Variants in INPP5A observed in about 807,000 individuals in gnomAD.
INPP5A encodes the protein inositol polyphosphate-5-phosphatase A, also known as 43 kDa inositol polyphosphate 5-phophatase.
INPP5A carries 14 observed loss-of-function variants against 65.2 expected under a neutral mutation model. The ratio of observed to expected loss-of-function variants is 0.21; its 90% CI spans 0.14 to 0.34. The LOEUF is 0.34. INPP5A is among the 10% of genes least tolerant of loss of function. The probability of loss-of-function intolerance (pLI) is 1.00; values close to 1 mark genes in which losing one functional copy is unlikely to be tolerated. For synonymous variants in INPP5A, 207 were observed against 208.3 expected, an observed-to-expected ratio of 0.99 and a Z score of 0.05; for missense variants, 431 against 545.6, an observed-to-expected ratio of 0.79 and a Z score of 2.09.
At chr10:132,775,567 C>T (rs1847050844) in intron 12 of INPP5A, among the ~76,000 whole-genome samples, 2 of 152,120 alleles carry the variant, frequency 1.3e-5, no homozygotes, top group Non-Finnish European at 2.9e-5. Context: ...ACAGGGAGCA[C>T]CCCTGGCTGT....
At chr10:132,554,325 C>T (rs2071095813) in intron 1 of INPP5A, among the ~76,000 whole-genome samples, 1 of 152,082 alleles carries the variant, frequency 6.6e-6, no homozygotes, top group African/African-American at 2.4e-5. Flanking sequence ...AGGGATTTGT[C>T]CAGTGGCTGG....
chr10:132,691,848 G>A (rs1448813638), intron 5 of INPP5A, among the ~76,000 whole-genome samples: 2 of 151,324 alleles, frequency 1.3e-5, no homozygotes, highest in Non-Finnish European at 3.0e-5. Context: ...GGAGACGTGC[G>A]GTCGCGGGAG....
intron 2 of INPP5A, among the ~76,000 whole-genome samples, chr10:132,610,940 G>A (rs1372257653): frequency 6.6e-6 from 1 of 152,240 alleles, no homozygotes; most frequent in African/African-American, 2.4e-5. Context: ...GACAAGGAGA[G>A]GTCAGCATCA....
intron 2 of INPP5A, among the ~76,000 whole-genome samples, chr10:132,640,181 G>T (rs2072408002): frequency 6.6e-6 from 1 of 152,228 alleles, no homozygotes; most frequent in Non-Finnish European, 1.5e-5. Flanking sequence ...TTTTCTTACG[G>T]TTCTCAGCAT....
chr10:132,722,937 T>C (rs769728818), intron 8 of INPP5A, among the ~76,000 whole-genome samples: 1 of 152,138 alleles, frequency 6.6e-6, no homozygotes, highest in South Asian at 2.1e-4. Context: ...TGGCACTATA[T>C]TGAAATTGAA....
At chr10:132,742,752 G>A (rs1194993853) in intron 9 of INPP5A, among the ~76,000 whole-genome samples, 1 of 152,188 alleles carries the variant, frequency 6.6e-6, no homozygotes, top group Non-Finnish European at 1.5e-5. Flanking sequence ...TGGTGAACCG[G>A]GGCCCTTGGT....
intron 1 of INPP5A, among the ~76,000 whole-genome samples, chr10:132,581,597 G>A (rs541521276): frequency 6.6e-6 from 1 of 152,244 alleles, no homozygotes; most frequent in Non-Finnish European, 1.5e-5. Flanking sequence ...GTGTGCAGTG[G>A]GACCTCACTG....
intron 1 of INPP5A, among the ~76,000 whole-genome samples, chr10:132,597,047 ATG>A: frequency 7.5e-6 from 1 of 133,444 alleles, no homozygotes; most frequent in African/African-American, 2.9e-5. Flanking sequence ...GTATGCATGC[ATG>A]TGTGTGTGCA....
At chr10:132,643,699 G>T (rs1293332414) in intron 2 of INPP5A, among the ~76,000 whole-genome samples, 1 of 152,132 alleles carries the variant, frequency 6.6e-6, no homozygotes, top group Non-Finnish European at 1.5e-5. Context: ...TAATTCTGCT[G>T]GTGCATTCGA....
At chr10:132,671,619 C>G (rs34988799) in intron 4 of INPP5A, among the ~76,000 whole-genome samples, 3,547 of 152,336 alleles carry the variant, frequency 0.023, 58 homozygotes, top group Non-Finnish European at 0.037. Context: ...TTCTGCGGCT[C>G]CTCCAGCATG....
chr10:132,680,836 C>G lies in INPP5A; in HGVS notation c.307-9556C>G, dbSNP rs999334240. On this transcript the variant is annotated intron_variant, in intron 4 of 15. Coordinates refer to ENST00000368594, the MANE Select transcript of INPP5A (RefSeq NM_005539.5). Reference sequence around the variant, plus strand: ...GGGTGTACTGGGTCCCCCAGCAGTGCCCACCCACCGGCGCTGCACTCAATT... The same window carrying G: ...GGGTGTACTGGGTCCCCCAGCAGTGGCCACCCACCGGCGCTGCACTCAATT... 3.3e-5 allele frequency among the ~76,000 whole-genome samples: 5 copies of G among 152,390 alleles called. No individual in the cohort carries two copies. In the South Asian group the frequency reaches 1.0e-3, roughly 32 times the overall value.
At chr10:132,657,575 C>T (rs1251682478) in intron 4 of INPP5A, among the ~76,000 whole-genome samples, 1 of 151,788 alleles carries the variant, frequency 6.6e-6, no homozygotes, top group East Asian at 1.9e-4. Flanking sequence ...GGCCCCAGTA[C>T]CCAGCGGTGG....
At chr10:132,617,611 T>G (rs760708126) in intron 2 of INPP5A, among the ~76,000 whole-genome samples, 1 of 152,238 alleles carries the variant, frequency 6.6e-6, no homozygotes, top group Non-Finnish European at 1.5e-5. Context: ...TGTGACCTTC[T>G]TCCTGTTGAC....
intron 1 of INPP5A, among the ~76,000 whole-genome samples, chr10:132,572,837 T>C (rs2071363109): frequency 6.6e-6 from 1 of 152,224 alleles, no homozygotes; most frequent in Admixed American, 6.5e-5. Context: ...GCTCTGCTGA[T>C]TGCTGAAATG....
chr10:132,586,665 C>T (rs557813842), intron 1 of INPP5A, among the ~76,000 whole-genome samples: 5 of 152,356 alleles, frequency 3.3e-5, no homozygotes, highest in Non-Finnish European at 5.9e-5. Flanking sequence ...CGGATACGTG[C>T]GCCAGAGCCT....
At chr10:132,684,344 G>A (rs1260174021) in intron 4 of INPP5A, among the ~76,000 whole-genome samples, 1 of 152,354 alleles carries the variant, frequency 6.6e-6, no homozygotes, top group Admixed American at 6.5e-5. Context: ...AGAGAGGTCT[G>A]TGTGTGCATT....
chr10:132,721,992 T>C (rs1590956727), intron 8 of INPP5A, among the ~76,000 whole-genome samples: 1 of 152,186 alleles, frequency 6.6e-6, no homozygotes, highest in East Asian at 1.9e-4. Context: ...ATGTTTATTT[T>C]GGGGGGATGA....
In INPP5A at chr10:132,575,703, C is replaced by T. The variant is rs997112107; in HGVS notation, c.76-32212C>T. ...AGACAAGGAACTCCTGACGCCTCAG[C>T]GCCTGGCCCTCAGGACAGCCTTTCC... is the stretch of plus-strand genomic sequence containing the variant. On this transcript the variant is annotated intron_variant, in intron 1 of 15. Transcript: ENST00000368594. This position sits in a 1 kb window ranked among gnomAD's most constrained non-coding sequence, Gnocchi z 5.4. 2.0e-4 allele frequency among the ~76,000 whole-genome samples: 31 copies of T among 152,194 alleles called. No individual in the cohort carries two copies. Among genetic ancestry groups the T allele is most frequent in the Admixed American group, 2.0e-3 (30 of 15,282 alleles).
chr10:132,577,229 CG>C (rs113952979), intron 1 of INPP5A, among the ~76,000 whole-genome samples: 11 of 152,254 alleles, frequency 7.2e-5, no homozygotes, highest in South Asian at 2.1e-4. Context: ...TGCTCCCCCC[CG>C]GCACGCCGCC....
Sources: allele counts gnomAD v4.1 joint callset (sites outside exome capture counted in the v4.1 genomes callset), GRCh38; gene constraint gnomAD v4.1.1; non-coding constraint Gnocchi (gnomAD v3.1); transcripts MANE v1.5; gene names NCBI Gene and HGNC (gene_info 2026-07-23, HGNC 2026-07-21).